Variants in WWOX observed in about 807,000 individuals in gnomAD.
WWOX encodes the protein WW domain containing oxidoreductase.
WWOX carries 69 observed loss-of-function variants against 46.2 expected under a neutral mutation model. The observed-to-expected ratio is 1.49, with a 90% CI of 1.23 to 1.82. The LOEUF is 1.82. WWOX is among the 40% of genes most tolerant of loss of function. The pLI, the probability that WWOX is intolerant of heterozygous loss-of-function variation, is 0.00. For synonymous variants in WWOX, 359 were observed against 202.6 expected (o/e 1.77, Z -6.56); for missense variants, 919 against 542.6 (o/e 1.69, Z -6.89).
chr16:78,587,853 G>C (rs770336745), intron 8 of WWOX, among the ~76,000 whole-genome samples: 2 of 152,134 alleles, frequency 1.3e-5, no homozygotes. Context: ...ATTCCTTGCT[G>C]TCAGGAAACA....
chr16:78,401,679 A>T (rs752015371), intron 6 of WWOX, among the ~76,000 whole-genome samples: 2 of 152,112 alleles, frequency 1.3e-5, no homozygotes, highest in Non-Finnish European at 2.9e-5. Flanking sequence ...TAATTGAGAC[A>T]TAATTTACAT....
chr16:78,842,756 G>A (rs1332159455), intron 8 of WWOX, among the ~76,000 whole-genome samples: 2 of 133,410 alleles, frequency 1.5e-5, no homozygotes, highest in African/African-American at 5.0e-5. Context: ...GGAGGCTGAG[G>A]CAGTAGATTC....
chr16:78,614,875 G>A (rs990133564), intron 8 of WWOX, among the ~76,000 whole-genome samples: 1 of 152,146 alleles, frequency 6.6e-6, no homozygotes, highest in East Asian at 1.9e-4. Flanking sequence ...ATGGTGGTTT[G>A]CTGCAGCCAT....
intron 8 of WWOX, among the ~76,000 whole-genome samples, chr16:78,757,893 A>G (rs922494793): frequency 2.6e-5 from 4 of 151,950 alleles, no homozygotes; most frequent in Non-Finnish European, 1.5e-5. Flanking sequence ...AGTACCTCCT[A>G]AAGGCTCCCC....
At position 78,370,797 on chromosome 16, in the gene WWOX, G is replaced by A. The variant is rs865944556; in HGVS notation, c.517-16063G>A. On this transcript the variant is annotated intron_variant, in intron 5 of 8. Transcript: ENST00000566780. ...TTTTTTCTTTTTTTTTTGGGGGGGG[G>A]GGGGCAATGCATTCTTAACCCCCTT... Among the ~76,000 whole-genome samples the A allele has an allele frequency of 1.9e-3, 278 of 148,496 alleles. 5 individuals carry two copies. The highest frequency in any genetic ancestry group is 6.7e-3 in the African/African-American group (270 of 40,508).
intron 8 of WWOX, among the ~76,000 whole-genome samples, chr16:78,736,498 A>G (rs973968884): frequency 2.0e-5 from 3 of 152,212 alleles, no homozygotes; most frequent in Middle Eastern, 3.2e-3. Context: ...AAAGTCTCAC[A>G]TGTGACAACA....
intron 8 of WWOX, among the ~76,000 whole-genome samples, chr16:78,550,456 T>C (rs902576497): frequency 2.0e-5 from 3 of 152,192 alleles, no homozygotes; most frequent in Admixed American, 1.3e-4. Context: ...GTAGACTGGA[T>C]TTAGCTTGTG....
Position 78,349,400 on chromosome 16 carries a change from G to A in WWOX, c.517-37460G>A, listed in dbSNP as rs897297529. Among the ~76,000 whole-genome samples, 3 of 121,050 alleles carry A rather than the reference G, an allele frequency of 2.5e-5. 1 individual carries two copies. Among genetic ancestry groups the A allele is most frequent in the Non-Finnish European group, 3.9e-5 (2 of 50,670 alleles). 79.4% of individuals were successfully genotyped at this position (121,050 alleles called of 152,430 possible). On this transcript the variant is annotated intron_variant, in intron 5 of 8. Coordinates refer to ENST00000566780, the MANE Select transcript of WWOX (RefSeq NM_016373.4). ...ACAGAATCCAGCTAACAACAGTTGG[G>A]GATGAGGCTATAACGAATACCACTG...
At chr16:78,614,926 A>G (rs2045984420) in intron 8 of WWOX, among the ~76,000 whole-genome samples, 1 of 152,184 alleles carries the variant, frequency 6.6e-6, no homozygotes, top group East Asian at 1.9e-4. Flanking sequence ...TTCCTTTTCC[A>G]TAGCTCTTTG....
intron 5 of WWOX, among the ~76,000 whole-genome samples, chr16:78,184,805 G>A (rs989226161): frequency 1.3e-5 from 2 of 152,198 alleles, no homozygotes; most frequent in African/African-American, 4.8e-5. Flanking sequence ...GGAAAGAATC[G>A]TTGATGTCAC....
chr16:78,250,083 C>G (rs918739113), intron 5 of WWOX, among the ~76,000 whole-genome samples: 9 of 152,234 alleles, frequency 5.9e-5, no homozygotes, highest in African/African-American at 2.2e-4. Context: ...CACCCCCACT[C>G]CCTGGCTCTG....
chr16:79,091,990 A>G (rs2048971628), intron 8 of WWOX, among the ~76,000 whole-genome samples: 1 of 151,870 alleles, frequency 6.6e-6, no homozygotes, highest in Admixed American at 6.6e-5. Context: ...CATGTTGGCC[A>G]AGATGGTCTC....
At chr16:78,449,615 T>C (rs2083642879) in intron 8 of WWOX, among the ~76,000 whole-genome samples, 1 of 152,186 alleles carries the variant, frequency 6.6e-6, no homozygotes, top group Non-Finnish European at 1.5e-5. Flanking sequence ...TCGTCATCCT[T>C]TTCTTCCCTC....
rs78684455 is a variant in WWOX, at chr16:78,196,865, A to G, written c.516+32576A>G. On this transcript the variant is annotated intron_variant, in intron 5 of 8. Transcript: ENST00000566780. ...TTGGACAAAAGTCATGGTAAGATCC[A>G]CAAGGCAATTTTATCATCCCCACTG... 4.5e-3 allele frequency among the ~76,000 whole-genome samples: 679 copies of G among 152,366 alleles called. 6 individuals carry two copies. Among genetic ancestry groups the G allele is most frequent in the African/African-American group, 0.015 (630 of 41,582 alleles).
chr16:78,779,175 G>A (rs893805813), intron 8 of WWOX, among the ~76,000 whole-genome samples: 1 of 152,086 alleles, frequency 6.6e-6, no homozygotes, highest in Non-Finnish European at 1.5e-5. Context: ...TTGAGACAGG[G>A]TCTTTGTTTC....
chr16:78,978,712 G>T (rs992333964), intron 8 of WWOX, among the ~76,000 whole-genome samples: 3 of 152,114 alleles, frequency 2.0e-5, no homozygotes, highest in African/African-American at 4.8e-5. Flanking sequence ...AGAGCGACTG[G>T]GGAGGCGCTA....
At chr16:78,618,299 C>A (rs1055136923) in intron 8 of WWOX, among the ~76,000 whole-genome samples, 1 of 152,210 alleles carries the variant, frequency 6.6e-6, no homozygotes, top group African/African-American at 2.4e-5. Context: ...TGTAGAAATA[C>A]CACAGGTCAG....
At chr16:78,133,841 C>A (rs1312431526) in intron 4 of WWOX, among the ~76,000 whole-genome samples, 1 of 152,180 alleles carries the variant, frequency 6.6e-6, no homozygotes, top group Non-Finnish European at 1.5e-5. Context: ...AAGGGAGATA[C>A]CTGCAAGGCT....
At chr16:78,535,862 G>A (rs933245049) in intron 8 of WWOX, among the ~76,000 whole-genome samples, 3 of 152,158 alleles carry the variant, frequency 2.0e-5, no homozygotes, top group Non-Finnish European at 4.4e-5. Flanking sequence ...AGAGCAAGGG[G>A]TTTAGGCTTT....
Sources: allele counts gnomAD v4.1 joint callset (sites outside exome capture counted in the v4.1 genomes callset), GRCh38; gene constraint gnomAD v4.1.1; transcripts MANE v1.5; gene names NCBI Gene and HGNC (gene_info 2026-07-23, HGNC 2026-07-21).